Variants in CFAP53 observed in about 807,000 individuals in gnomAD.
CFAP53 encodes cilia and flagella associated protein 53, also known as cilia- and flagella-associated protein 53.
CFAP53 carries 62 observed loss-of-function variants against 59.7 expected under a neutral mutation model. That is an observed-to-expected ratio of 1.04 (90% CI 0.85 to 1.28). CFAP53 has a LOEUF of 1.28. CFAP53 is among the 50% of genes most tolerant of loss of function. The pLI is 0.00. For missense variants in CFAP53, 629 were observed against 615.6 expected, an observed-to-expected ratio of 1.02 and a Z score of -0.23; for synonymous variants, 218 against 205.7, an observed-to-expected ratio of 1.06 and a Z score of -0.51.
In CFAP53 at chr18:50,250,952, G is replaced by A. The variant is rs767051023; in HGVS notation, c.802C>T (p.His268Tyr). 10 of 1,614,018 alleles carry A rather than the reference G, an allele frequency of 6.2e-6. No homozygotes were observed. Among genetic ancestry groups the A allele is most frequent in the Non-Finnish European group, 8.5e-6 (10 of 1,179,958 alleles). The change falls in exon 5 of 8, where the codon CAT becomes TAT. Residue 268 changes from histidine (H) to tyrosine (Y), a missense_variant. Physicochemically the swap from His to Tyr is moderately conservative, Grantham distance 83. Coordinates refer to ENST00000398545, the MANE Select transcript of CFAP53 (RefSeq NM_145020.5). The stretch of plus-strand genomic sequence containing the variant: ...TTTAGCATATCCTGTTCATTCTCAT[G>A]TTTAATCTGTGCGTTGTTACTTTCC... ...LVESNNAQIKHENEQDMLKKQ... is the reference protein window; with the variant it reads ...LVESNNAQIKYENEQDMLKKQ...
chr18:50,253,915 C>T lies in CFAP53; in HGVS notation c.474-2131G>A, dbSNP rs375966111. On this transcript the variant is annotated intron_variant, in intron 3 of 7. Transcript: ENST00000398545. Reference sequence around the variant, plus strand: ...ATAAAAACACCCCAAAACAAACCCTCGAAATGCCTACCTTAATCTGGGGTC... The same window carrying T: ...ATAAAAACACCCCAAAACAAACCCTTGAAATGCCTACCTTAATCTGGGGTC... Among the ~76,000 whole-genome samples, 42 of 152,212 alleles carry T rather than the reference C, an allele frequency of 2.8e-4. No individual in the cohort carries two copies. The South Asian group carries it at 8.5e-3, about 31-fold the overall frequency.
intron 7 of CFAP53, among the ~76,000 whole-genome samples, chr18:50,237,970 A>T (rs2033654219): frequency 6.6e-6 from 1 of 152,216 alleles, no homozygotes; most frequent in Admixed American, 6.5e-5. Flanking sequence ...GAGGAAAAAA[A>T]ATCTTCTTGC....
chr18:50,245,791 A>C (rs770693759), intron 5 of CFAP53, among the ~76,000 whole-genome samples: 18 of 152,218 alleles, frequency 1.2e-4, no homozygotes, highest in Non-Finnish European at 2.4e-4. Flanking sequence ...TGGACATGCA[A>C]GGGAGCCAGA....
chr18:50,252,485 C>T (rs996148574), intron 3 of CFAP53, among the ~76,000 whole-genome samples: 1 of 151,942 alleles, frequency 6.6e-6, no homozygotes, highest in Non-Finnish European at 1.5e-5. Context: ...CTCACTGCAT[C>T]CTTGAACTCC....
chr18:50,251,224 G>A (rs998996391), intron 4 of CFAP53, among the ~76,000 whole-genome samples: 9 of 152,202 alleles, frequency 5.9e-5, no homozygotes, highest in African/African-American at 2.2e-4. Flanking sequence ...AGTATAAACA[G>A]AAACTACTTT....
intron 7 of CFAP53, among the ~76,000 whole-genome samples, chr18:50,236,581 CACCAT>C (rs2033635512): frequency 6.6e-6 from 1 of 152,166 alleles, no homozygotes; most frequent in Admixed American, 6.5e-5. Flanking sequence ...CAAAACAAGC[CACCAT>C]ACTGTGAGAA....
At chr18:50,258,791 A>T (rs1056603990) in intron 3 of CFAP53, among the ~76,000 whole-genome samples, 13 of 152,220 alleles carry the variant, frequency 8.5e-5, no homozygotes, top group African/African-American at 2.7e-4. Context: ...AAAAATGGAC[A>T]AAAGATTTCA....
Position 50,227,461 on chromosome 18 carries a change from C to A in CFAP53, c.1465G>T (p.Glu489Ter), listed in dbSNP as rs763413077. 40 of 1,614,030 alleles carry A rather than the reference C, an allele frequency of 2.5e-5. No individual in the cohort carries two copies. The highest frequency in any genetic ancestry group is 1.5e-4 in the African/African-American group (11 of 74,918). Reference sequence around the variant, plus strand: ...AGCACTTGATGGGTGGACAGGACCTCCTGGACCTTGTCCAAACACATCTTG... The same window carrying A: ...AGCACTTGATGGGTGGACAGGACCTACTGGACCTTGTCCAAACACATCTTG... ...ANKMCLDKVQ[E>*]VLSTHQVLPQ... is the part of the protein sequence containing the mutation. The change falls in exon 8 of 8, where the codon GAG becomes TAG. Residue 489 changes from glutamate to a stop codon, truncating the protein, a stop_gained. Coordinates refer to ENST00000398545, the MANE Select transcript of CFAP53 (RefSeq NM_145020.5). LOFTEE classifies it low-confidence loss of function (END_TRUNC).
chr18:50,230,350 G>A (rs1031990868), intron 7 of CFAP53, among the ~76,000 whole-genome samples: 2 of 152,150 alleles, frequency 1.3e-5, no homozygotes, highest in African/African-American at 4.8e-5. Context: ...CTCTTGGGAG[G>A]GGAAGGTGGG....
intron 7 of CFAP53, among the ~76,000 whole-genome samples, chr18:50,228,046 G>A (rs112830805): frequency 0.67 from 98,655 of 146,960 alleles, 33,024 homozygotes; most frequent in Admixed American, 0.75. Context: ...TGCAACCTTC[G>A]CCTCCTGGGT....
At chr18:50,230,519 G>A (rs964523670) in intron 7 of CFAP53, among the ~76,000 whole-genome samples, 35 of 152,240 alleles carry the variant, frequency 2.3e-4, no homozygotes, top group African/African-American at 8.4e-4. Context: ...TGTCCATTGT[G>A]ATAAACTGGT....
rs1201632199 is a variant in CFAP53 at position 50,250,236 on chromosome 18, A to G, written c.996+522T>C. Among the ~76,000 whole-genome samples, 77 of 92,220 alleles carry G rather than the reference A, an allele frequency of 8.3e-4. No homozygotes were observed. The East Asian group carries it at 0.02, about 23-fold the overall frequency. 60.5% of individuals were successfully genotyped at this position (92,220 alleles called of 152,430 possible). A position where few individuals can be genotyped will look rare whatever the true frequency, so the allele number is the denominator to read the frequency against. On this transcript the variant is annotated intron_variant, in intron 5 of 7. Transcript: ENST00000398545. ...CCCTGTCTCAAAAAAAAAAAAAAAAAAGAGAGAGAGAGAGAGAAGTTTAAT... is the reference window on the plus strand; with the variant it reads ...CCCTGTCTCAAAAAAAAAAAAAAAAGAGAGAGAGAGAGAGAGAAGTTTAAT...
Position 50,232,006 on chromosome 18 carries a change from G to T in CFAP53, c.1317-4397C>A, listed in dbSNP as rs370234172. 5.9e-5 allele frequency among the ~76,000 whole-genome samples: 9 copies of T among 152,278 alleles called. No individual in the cohort carries two copies. The East Asian group carries it at 1.5e-3, about 26-fold the overall frequency. On this transcript the variant is annotated intron_variant, in intron 7 of 7. Coordinates refer to ENST00000398545, the MANE Select transcript of CFAP53 (RefSeq NM_145020.5). ...ACCTGGACTGGCCATCCAGCATAAG[G>T]CCCCTGAGTGGCCGAGGGGACTTTC...
intron 7 of CFAP53, among the ~76,000 whole-genome samples, chr18:50,235,444 G>A (rs909761816): frequency 2.6e-5 from 4 of 152,108 alleles, no homozygotes; most frequent in Admixed American, 2.6e-4. Flanking sequence ...GCATGCGCCT[G>A]TAACCCCAGC....
chr18:50,258,428 C>T (rs994698964), intron 3 of CFAP53, among the ~76,000 whole-genome samples: 2 of 152,164 alleles, frequency 1.3e-5, no homozygotes, highest in Non-Finnish European at 2.9e-5. Context: ...TAGACCCTAT[C>T]TTTCATCATA....
Position 50,243,050 on chromosome 18 carries a change from CT to C in CFAP53, c.1062del (p.Ala355LeufsTer10). On this transcript the variant is annotated frameshift_variant, in exon 6 of 8. Transcript: ENST00000398545. LOFTEE classifies it high-confidence loss of function. ...KYLAQRREEE[K>X]AQEKEFDRIL... is the part of the protein sequence containing the mutation. Reference sequence around the variant, plus strand: ...ATTCTGTCAAATTCTTTCTCCTGAGCTTTTTCTTCCTCACGTCTCTGTGCCA... The same window carrying C: ...ATTCTGTCAAATTCTTTCTCCTGAGCTTTTCTTCCTCACGTCTCTGTGCCA... The C allele has an allele frequency of 6.2e-7, 1 of 1,613,826 alleles. No individual in the cohort carries two copies. Among genetic ancestry groups the C allele is most frequent in the South Asian group, 1.1e-5 (1 of 91,082 alleles).
At chr18:50,261,858 C>A in intron 2 of CFAP53, 132 bp downstream of exon 2, 2 of 586,076 alleles carry the variant, frequency 3.4e-6, no homozygotes, top group South Asian at 2.6e-5. Flanking sequence ...AAAATATTAA[C>A]CAGCAATAGC....
chr18:50,264,390 T>A (rs183071680), intron 1 of CFAP53, among the ~76,000 whole-genome samples: 41 of 152,358 alleles, frequency 2.7e-4, no homozygotes, highest in Non-Finnish European at 5.3e-4. Context: ...CTGGCCTCTG[T>A]CCATTACTAA....
In CFAP53 at chr18:50,266,339, G is replaced by A; in HGVS notation, c.66C>T (p.Ile22=). The part of the protein sequence containing the change: ...EVKGPTPKVV[I]VRSKPPKGQG... ...GGCAGACATATCCTGTGCTTACCACGATCACCACTTTGGGGGTGGGGCCCT... is the reference window on the plus strand; with the variant it reads ...GGCAGACATATCCTGTGCTTACCACAATCACCACTTTGGGGGTGGGGCCCT... The change falls in exon 1 of 8, where the codon ATC becomes ATT. Residue 22 remains isoleucine (I), a synonymous_variant. Transcript: ENST00000398545. 3 of 1,614,150 alleles carry A rather than the reference G, an allele frequency of 1.9e-6. No homozygotes were observed. Among genetic ancestry groups the A allele is most frequent in the Non-Finnish European group, 2.5e-6 (3 of 1,179,938 alleles).
Sources: gnomAD v4.1 joint callset for allele counts (sites outside exome capture counted in the v4.1 genomes callset) on GRCh38, gnomAD v4.1.1 for gene constraint, MANE v1.5 for transcripts, NCBI Gene and HGNC (gene_info 2026-07-23, HGNC 2026-07-21) for gene names.